ZNF134: variants seen among roughly 807,000 people sequenced by gnomAD.
The protein encoded by ZNF134 is zinc finger protein 134.
In ZNF134, 5 loss-of-function variants were observed where a neutral mutation model predicts 2.5. That is an observed-to-expected ratio of 2.03 (90% CI 1.06 to 4.27). The LOEUF (loss-of-function observed/expected upper bound fraction) is 4.27. ZNF134 is among the 30% of genes most tolerant of loss of function. The pLI, the probability that ZNF134 is intolerant of heterozygous loss-of-function variation, is 0.00. For missense variants in ZNF134, 540 were observed against 517.5 expected, an observed-to-expected ratio of 1.04 and a Z score of -0.42; for synonymous variants, 176 against 176.2, an observed-to-expected ratio of 1.00 and a Z score of 0.01.
chr19:57,615,624 C>G (rs1981030548), intron 1 of ZNF134, among the ~76,000 whole-genome samples: 1 of 152,178 alleles, frequency 6.6e-6, no homozygotes, highest in African/African-American at 2.4e-5. Flanking sequence ...GTTTTTATCT[C>G]TAACCCATAG....
intron 1 of ZNF134, among the ~76,000 whole-genome samples, chr19:57,617,199 T>A (rs1461330939): frequency 6.6e-6 from 1 of 152,110 alleles, no homozygotes; most frequent in Non-Finnish European, 1.5e-5. Context: ...CACTGCAGGT[T>A]TGGAGCTAGG....
In ZNF134 at chr19:57,621,349, C is replaced by T; in HGVS notation, c.1230C>T (p.Ser410=). ...GCAGTGAATGTGGGAAGGCCTACAG[C>T]TTAAGCTCCCACCTCAATCGGCACC... ...YECSECGKAY[S]LSSHLNRHQK... The change falls in exon 3 of 3, where the codon AGC becomes AGT. Residue 410 remains serine, a synonymous_variant. Coordinates refer to ENST00000396161, the MANE Select transcript of ZNF134 (RefSeq NM_003435.5). 3 of 1,614,100 alleles carry T rather than the reference C, an allele frequency of 1.9e-6. No homozygotes were observed. Among genetic ancestry groups the T allele is most frequent in the Non-Finnish European group, 2.5e-6 (3 of 1,180,036 alleles).
rs1312371033 is a variant in ZNF134, at chr19:57,622,059, T to G, written c.*656T>G. 1.2e-5 allele frequency: 2 copies of G among 161,376 alleles called. No individual in the cohort carries two copies. Among genetic ancestry groups the G allele is most frequent in the Non-Finnish European group, 2.8e-5 (2 of 72,562 alleles). The allele number at this position is 161,376 out of a possible 1,614,324, so 10.0% of individuals were successfully genotyped here. A position where few individuals can be genotyped will look rare whatever the true frequency, so the allele number is the denominator to read the frequency against. ...TGGGTTGAGGGAGAACAGTTCTTAGTCCAGTTTTGATGTTAACTTCCATAG... is the reference window on the plus strand; with the variant it reads ...TGGGTTGAGGGAGAACAGTTCTTAGGCCAGTTTTGATGTTAACTTCCATAG... On this transcript the variant is annotated 3_prime_UTR_variant, in exon 3 of 3. Coordinates refer to ENST00000396161, the MANE Select transcript of ZNF134 (RefSeq NM_003435.5).
Position 57,618,364 on chromosome 19 carries a change from G to A in ZNF134, c.-57-1048G>A, listed in dbSNP as rs536190487. 4.6e-5 allele frequency among the ~76,000 whole-genome samples: 7 copies of A among 152,298 alleles called. No individual in the cohort carries two copies. In the East Asian group the frequency reaches 7.7e-4, roughly 17 times the overall value. On this transcript the variant is annotated intron_variant, in intron 1 of 2. Coordinates refer to ENST00000396161, the MANE Select transcript of ZNF134 (RefSeq NM_003435.5). ...GATTTGCATGTGGGGAAGCCATGGA[G>A]GTACCAGTGTTGTGGGTGTCCATAG...
In ZNF134 at chr19:57,621,003, A is replaced by G. The variant is rs374654092; in HGVS notation, c.884A>G (p.Lys295Arg). 23 of 1,613,862 alleles carry G rather than the reference A, an allele frequency of 1.4e-5. No homozygotes were observed. In the African/African-American group the frequency reaches 2.7e-4, roughly 19 times the overall value. Residue 295 changes from lysine to arginine, a missense_variant, in exon 3 of 3, where the codon AAA becomes AGA. Physicochemically the swap from Lys to Arg is conservative, Grantham distance 26. Transcript: ENST00000396161. ...ARPYKCSDCG[K>R]VFRHKSTLVQ... ...CCTTATAAGTGCAGTGATTGTGGGA[A>G]AGTCTTCAGACACAAATCTACACTT...
rs948989744 is a variant in ZNF134 at position 57,623,275 on chromosome 19, G to A, written c.*1872G>A. 1.3e-5 allele frequency: 2 copies of A among 152,022 alleles called. No individual in the cohort carries two copies. Among genetic ancestry groups the A allele is most frequent in the African/African-American group, 4.8e-5 (2 of 41,388 alleles). The allele number at this position is 152,022 out of a possible 1,614,324, so 9.4% of individuals were successfully genotyped here. A position where few individuals can be genotyped will look rare whatever the true frequency, so the allele number is the denominator to read the frequency against. On this transcript the variant is annotated 3_prime_UTR_variant, in exon 3 of 3. Transcript: ENST00000396161. ...AAAATTACTGAGTCATATTCTGTATGGATATACCACAGTTTATCCATTTAT... is the reference window on the plus strand; with the variant it reads ...AAAATTACTGAGTCATATTCTGTATAGATATACCACAGTTTATCCATTTAT...
At chr19:57,619,900 T>C (rs965019070) in intron 2 of ZNF134, among the ~76,000 whole-genome samples, 5 of 152,254 alleles carry the variant, frequency 3.3e-5, no homozygotes, top group Admixed American at 6.5e-5. Flanking sequence ...AAGGTCCTGC[T>C]AAAAGTCATT....
chr19:57,619,752 A>G (rs1981144660), intron 2 of ZNF134: 2 of 572,860 alleles, frequency 3.5e-6, no homozygotes. Context: ...CCAATATTGT[A>G]CTACACTTAC....
chr19:57,623,032 T>C lies in ZNF134; in HGVS notation c.*1629T>C, dbSNP rs998860069. On this transcript the variant is annotated 3_prime_UTR_variant, in exon 3 of 3. Coordinates refer to ENST00000396161, the MANE Select transcript of ZNF134 (RefSeq NM_003435.5). ...CACCCTATCAGTGGTATTGGACATA[T>C]CTGTTACCCCCAAAGTTAACCTGAG... 2.0e-5 allele frequency: 3 copies of C among 152,050 alleles called. No homozygotes were observed. Among genetic ancestry groups the C allele is most frequent in the East Asian group, 1.9e-4 (1 of 5,190 alleles). 9.4% of individuals were successfully genotyped at this position (152,050 alleles called of 1,614,324 possible). A position where few individuals can be genotyped will look rare whatever the true frequency, so the allele number is the denominator to read the frequency against.
At chr19:57,617,143 A>G (rs1398324321) in intron 1 of ZNF134, among the ~76,000 whole-genome samples, 1 of 152,198 alleles carries the variant, frequency 6.6e-6, no homozygotes, top group African/African-American at 2.4e-5. Flanking sequence ...CAGCCCAGAA[A>G]TGGCAGCCTG....
chr19:57,622,806 G>A lies in ZNF134; in HGVS notation c.*1403G>A, dbSNP rs1036893510. On this transcript the variant is annotated 3_prime_UTR_variant, in exon 3 of 3. Transcript: ENST00000396161. ...GAGTGATAAGAGTCACCATAGTGAG[G>A]TAGAGTCACTCTTAGTGATGTCCAG... 10 of 152,128 alleles carry A rather than the reference G, an allele frequency of 6.6e-5. No homozygotes were observed. Among genetic ancestry groups the A allele is most frequent in the African/African-American group, 2.4e-4 (10 of 41,398 alleles). The allele number at this position is 152,128 out of a possible 1,614,324, so 9.4% of individuals were successfully genotyped here.
rs774734272 is a variant in ZNF134, at chr19:57,620,383, G to A, written c.264G>A (p.Trp88Ter). ...GTGGGGCATGTGGGAGACAATTCTG[G>A]TTCAGTGCAAACCTTCATCAGTACC... is the stretch of plus-strand genomic sequence containing the variant. ...HTCGACGRQF[W>*]FSANLHQYQK... is the part of the protein sequence containing the mutation. Residue 88 changes from tryptophan to a stop codon, truncating the protein, a stop_gained, in exon 3 of 3, where the codon TGG becomes TGA. Transcript: ENST00000396161. LOFTEE classifies it low-confidence loss of function (END_TRUNC). The A allele has an allele frequency of 1.5e-5, 25 of 1,614,088 alleles. No homozygotes were observed. The highest frequency in any genetic ancestry group is 2.1e-5 in the Non-Finnish European group (25 of 1,180,054).
chr19:57,621,056 G>C lies in ZNF134; in HGVS notation c.937G>C (p.Glu313Gln), dbSNP rs1981201065. The change falls in exon 3 of 3, where the codon GAA becomes CAA. Residue 313 changes from glutamate to glutamine, a missense_variant. By Grantham distance (29) the Glu-to-Gln change is conservative. Transcript: ENST00000396161. ...TCAGCATGAGAGTATTCACACTGGA[G>C]AAAATCCTTATGATTGCAGTGATTG... ...LVQHESIHTG[E>Q]NPYDCSDCGK... is the part of the protein sequence containing the mutation. 1.2e-6 allele frequency: 2 copies of C among 1,614,092 alleles called. No homozygotes were observed. Among genetic ancestry groups the C allele is most frequent in the Non-Finnish European group, 1.7e-6 (2 of 1,180,034 alleles).
chr19:57,614,646 AG>A (rs1981001518), intron 1 of ZNF134, 143 bp downstream of exon 1: 1 of 317,608 alleles, frequency 3.1e-6, no homozygotes, highest in Admixed American at 4.6e-5. Flanking sequence ...TGACTGGCAG[AG>A]GGGCAGCCTG....
At chr19:57,617,021 C>G (rs1270180370) in intron 1 of ZNF134, among the ~76,000 whole-genome samples, 1 of 152,204 alleles carries the variant, frequency 6.6e-6, no homozygotes, top group Non-Finnish European at 1.5e-5. Flanking sequence ...AACATTATCT[C>G]AGGCATAGGA....
chr19:57,621,431 CA>C lies in ZNF134; in HGVS notation c.*30del. 6.2e-7 allele frequency: 1 copy of C among 1,608,812 alleles called. No individual in the cohort carries two copies. Among genetic ancestry groups the C allele is most frequent in the African/African-American group, 1.3e-5 (1 of 75,040 alleles). On this transcript the variant is annotated 3_prime_UTR_variant, in exon 3 of 3. Coordinates refer to ENST00000396161, the MANE Select transcript of ZNF134 (RefSeq NM_003435.5). ...GTGCTTTGAATACAACAGGACTCAT[CA>C]ATCAGATGTTGAATTTCATGTATCT...
At position 57,621,476 on chromosome 19, in the gene ZNF134, G is replaced by A. The variant is rs780370549; in HGVS notation, c.*73G>A. 5 of 1,597,594 alleles carry A rather than the reference G, an allele frequency of 3.1e-6. No individual in the cohort carries two copies. In the South Asian group the frequency reaches 4.4e-5, roughly 14 times the overall value. On this transcript the variant is annotated 3_prime_UTR_variant, in exon 3 of 3. Transcript: ENST00000396161. ...TGTATCTGAACATTGACACAAAGGA[G>A]ATACCTTATGGTGCCAGGTACGTGG...
At chr19:57,617,298 G>A (rs1471560565) in intron 1 of ZNF134, among the ~76,000 whole-genome samples, 1 of 152,236 alleles carries the variant, frequency 6.6e-6, no homozygotes, top group Non-Finnish European at 1.5e-5. Flanking sequence ...GAATACCACT[G>A]AGGAGCTTAA....
At chr19:57,614,967 G>A (rs375134948) in intron 1 of ZNF134, among the ~76,000 whole-genome samples, 7 of 152,170 alleles carry the variant, frequency 4.6e-5, no homozygotes, top group Admixed American at 2.6e-4. Flanking sequence ...GTGGCAGGAG[G>A]GGTTGGGTGG....
Sources: gnomAD v4.1 joint callset for allele counts (sites outside exome capture counted in the v4.1 genomes callset) on GRCh38, gnomAD v4.1.1 for gene constraint, MANE v1.5 for transcripts, NCBI Gene and HGNC (gene_info 2026-07-23, HGNC 2026-07-21) for gene names.